The following ARID3A variants were observed in gnomAD, a reference collection of about 807,000 sequenced individuals.
The protein encoded by ARID3A is AT-rich interactive domain-containing protein 3A.
A neutral mutation model predicts 52.7 loss-of-function variants in ARID3A; 11 were observed. The ratio of observed to expected loss-of-function variants is 0.21; its 90% CI spans 0.13 to 0.35. ARID3A has a LOEUF of 0.35. ARID3A is among the 10% of genes least tolerant of loss of function. The probability of loss-of-function intolerance (pLI) is 1.00; values close to 1 mark genes in which losing one functional copy is unlikely to be tolerated. For missense variants in ARID3A, 721 were observed against 838.5 expected (o/e 0.86, Z 1.73); for synonymous variants, 404 against 359.4 (o/e 1.12, Z -1.40).
At chr19:928,330 C>G (rs560773706) in intron 1 of ARID3A, 10 of 151,796 alleles carry the variant, frequency 6.6e-5, no homozygotes, top group Admixed American at 6.6e-4. Context: ...GGGGGTGGCT[C>G]GGGTGGGACC....
At position 964,267 on chromosome 19, in the gene ARID3A, C is replaced by T; in HGVS notation, c.786C>T (p.Ile262=). 6.2e-7 allele frequency: 1 copy of T among 1,613,322 alleles called. No individual in the cohort carries two copies. The highest frequency in any genetic ancestry group is 2.2e-5 in the East Asian group (1 of 44,870). The part of the protein sequence containing the change: ...MQKRGTPVNR[I]PIMAKQVLDL... ...CCCCAGGGACACCTGTGAACCGCATCCCCATCATGGCCAAACAGGTCCTTG... is the reference window on the plus strand; with the variant it reads ...CCCCAGGGACACCTGTGAACCGCATTCCCATCATGGCCAAACAGGTCCTTG... The change falls in exon 5 of 9, where the codon ATC becomes ATT. Residue 262 remains isoleucine, a synonymous_variant. Coordinates refer to ENST00000263620, the MANE Select transcript of ARID3A (RefSeq NM_005224.3). This position sits in a 1 kb window ranked among gnomAD's most constrained non-coding sequence, Gnocchi z 5.7.
chr19:969,278 T>C (rs1386779152), intron 8 of ARID3A, among the ~76,000 whole-genome samples: 1 of 152,064 alleles, frequency 6.6e-6, no homozygotes, highest in Non-Finnish European at 1.5e-5. Flanking sequence ...GGCTCATGGC[T>C]ATAGTTCCAG....
At chr19:946,134 G>A (rs2037674470) in intron 3 of ARID3A, among the ~76,000 whole-genome samples, 1 of 152,176 alleles carries the variant, frequency 6.6e-6, no homozygotes, top group South Asian at 2.1e-4. Flanking sequence ...GGGGGGCGGG[G>A]ACCCTGTACA....
intron 7 of ARID3A, 75 bp downstream of exon 7, chr19:966,943 TAA>T: frequency 6.9e-7 from 1 of 1,457,170 alleles, no homozygotes; most frequent in Non-Finnish European, 9.1e-7. Context: ...CCTACATATG[TAA>T]AGAGTGCCAA....
At chr19:926,528 TTC>T (rs1393376011) in intron 1 of ARID3A, among the ~76,000 whole-genome samples, 1 of 151,812 alleles carries the variant, frequency 6.6e-6, no homozygotes, top group Non-Finnish European at 1.5e-5. Context: ...TTCATTTTTA[TTC>T]TTTCTCCCCG....
At chr19:955,306 A>G (rs914328397) in intron 3 of ARID3A, among the ~76,000 whole-genome samples, 2 of 152,180 alleles carry the variant, frequency 1.3e-5, no homozygotes, top group Admixed American at 1.3e-4. Flanking sequence ...CATAAAGCCC[A>G]GGCGGCCTTT....
chr19:970,793 A>G (rs2038263064), intron 8 of ARID3A, among the ~76,000 whole-genome samples: 1 of 151,976 alleles, frequency 6.6e-6, no homozygotes, highest in African/African-American at 2.4e-5. Context: ...AGTTTTTCTT[A>G]AAGTGGAGTC....
At chr19:933,697 C>G (rs1366234552) in intron 3 of ARID3A, among the ~76,000 whole-genome samples, 1 of 152,152 alleles carries the variant, frequency 6.6e-6, no homozygotes, top group Non-Finnish European at 1.5e-5. Flanking sequence ...GCTCCTGACT[C>G]CAGGGGTGCC....
In ARID3A at chr19:964,731, C is replaced by A; in HGVS notation, c.951-102C>A. The A allele has an allele frequency of 1.3e-6, 2 of 1,490,108 alleles. No individual in the cohort carries two copies. The highest frequency in any genetic ancestry group is 1.4e-5 in the South Asian group (1 of 73,988). 92.3% of individuals were successfully genotyped at this position (1,490,108 alleles called of 1,614,324 possible). ...CTGCTGAGCAAGTCCAAGGGAAGAA[C>A]CAGGGATGGTGGTGCCACAGTGGGG... On this transcript the variant is annotated intron_variant, in intron 5 of 8. Coordinates refer to ENST00000263620, the MANE Select transcript of ARID3A (RefSeq NM_005224.3). This position sits in a 1 kb window ranked among gnomAD's most constrained non-coding sequence, Gnocchi z 5.7.
Position 929,556 on chromosome 19 carries a change from C to T in ARID3A, c.28C>T (p.Leu10=). Residue 10 remains leucine (L), a synonymous_variant, in exon 2 of 9, where the codon CTG becomes TTG. Transcript: ENST00000263620. The surrounding 1 kb of genome is among the most constrained non-coding windows in gnomAD (Gnocchi z 6.2). The part of the protein sequence containing the change: MKLQAVMET[L]LQRQQRARQE... Reference sequence around the variant, plus strand: ...GAAACTACAGGCCGTGATGGAGACGCTGTTGCAGCGGCAGCAGCGGGCGCG... The same window carrying T: ...GAAACTACAGGCCGTGATGGAGACGTTGTTGCAGCGGCAGCAGCGGGCGCG... 1 of 1,522,582 alleles carries T rather than the reference C, an allele frequency of 6.6e-7. No individual in the cohort carries two copies. Among genetic ancestry groups the T allele is most frequent in the African/African-American group, 1.4e-5 (1 of 71,252 alleles). 94.3% of individuals were successfully genotyped at this position (1,522,582 alleles called of 1,614,324 possible). A position where few individuals can be genotyped will look rare whatever the true frequency, so the allele number is the denominator to read the frequency against.
chr19:932,891 C>T (rs2037363241), intron 3 of ARID3A, 149 bp downstream of exon 3: 6 of 1,460,092 alleles, frequency 4.1e-6, no homozygotes, highest in Non-Finnish European at 5.4e-6. Flanking sequence ...TCCTGTGCTT[C>T]CCTCCTGGGC....
rs1239269553 is a variant in ARID3A, at chr19:942,346, C to T, written c.693+9604C>T. ...GGCCCCCGCAGCTGCCCGGCGGTGG[C>T]ACCCAGGGGCGTCACCCACGAGGGA... On this transcript the variant is annotated intron_variant, in intron 3 of 8. Transcript: ENST00000263620. The surrounding 1 kb of genome is among the most constrained non-coding windows in gnomAD (Gnocchi z 8.1). 1.3e-5 allele frequency among the ~76,000 whole-genome samples: 2 copies of T among 152,192 alleles called. No individual in the cohort carries two copies. The highest frequency in any genetic ancestry group is 2.9e-5 in the Non-Finnish European group (2 of 68,010).
intron 1 of ARID3A, among the ~76,000 whole-genome samples, chr19:926,345 G>GGAGTTTC (rs1409748595): frequency 1.3e-5 from 2 of 151,886 alleles, no homozygotes; most frequent in Non-Finnish European, 2.9e-5. Flanking sequence ...GCCCTGGCGG[G>GGAGTTTC]CTGGGGTTCG....
rs755521842 is a variant in ARID3A, at chr19:929,510, T to TGGC, written c.-18_-16dup. 131 of 1,328,104 alleles carry TGGC rather than the reference T, an allele frequency of 9.9e-5. No homozygotes were observed. The highest frequency in any genetic ancestry group is 3.0e-4 in the Admixed American group (13 of 43,222). The allele number at this position is 1,328,104 out of a possible 1,614,324, so 82.3% of individuals were successfully genotyped here. ...GTGGTGGTGGTGGTGGTGGTGGTGGTGGCCCGGGCCGCAGGGCCATGAAAC... is the reference window on the plus strand; with the variant it reads ...GTGGTGGTGGTGGTGGTGGTGGTGGTGGCGGCCCGGGCCGCAGGGCCATGAAAC... On this transcript the variant is annotated 5_prime_UTR_variant, in exon 2 of 9. Coordinates refer to ENST00000263620, the MANE Select transcript of ARID3A (RefSeq NM_005224.3). The surrounding 1 kb of genome is among the most constrained non-coding windows in gnomAD (Gnocchi z 6.2).
rs1275899930 is a variant in ARID3A at position 964,801 on chromosome 19, G to C, written c.951-32G>C. Reference sequence around the variant, plus strand: ...CAAAGAGAGCCGTAGGGGTGACCCGGGTGCCATCCTCTTCCCTCGTCCCAC... The same window carrying C: ...CAAAGAGAGCCGTAGGGGTGACCCGCGTGCCATCCTCTTCCCTCGTCCCAC... On this transcript the variant is annotated intron_variant, in intron 5 of 8. Transcript: ENST00000263620. The surrounding 1 kb of genome is among the most constrained non-coding windows in gnomAD (Gnocchi z 5.7). 1 of 1,602,188 alleles carries C rather than the reference G, an allele frequency of 6.2e-7. No homozygotes were observed. Among genetic ancestry groups the C allele is most frequent in the South Asian group, 1.1e-5 (1 of 90,260 alleles).
rs969469143 is a variant in ARID3A at position 947,149 on chromosome 19, C to T, written c.694-12943C>T. The stretch of plus-strand genomic sequence containing the variant: ...CTGGGTGCCCCCCATTGCTGGGCAC[C>T]GTGGGGTGGGGTGTGTCTGTGTGTG... On this transcript the variant is annotated intron_variant, in intron 3 of 8. Coordinates refer to ENST00000263620, the MANE Select transcript of ARID3A (RefSeq NM_005224.3). The surrounding 1 kb of genome is among the most constrained non-coding windows in gnomAD (Gnocchi z 6.3). Among the ~76,000 whole-genome samples, 3 of 151,974 alleles carry T rather than the reference C, an allele frequency of 2.0e-5. No individual in the cohort carries two copies. The highest frequency in any genetic ancestry group is 7.3e-5 in the African/African-American group (3 of 41,334).
rs1315032650 is a variant in ARID3A, at chr19:941,515, G to A, written c.693+8773G>A. Among the ~76,000 whole-genome samples, 1 of 152,196 alleles carries A rather than the reference G, an allele frequency of 6.6e-6. No homozygotes were observed. The highest frequency in any genetic ancestry group is 2.4e-5 in the African/African-American group (1 of 41,444). Reference sequence around the variant, plus strand: ...CCGAGTGACGTGGCAAACTTCCCACGTCCCTGTTTTGCGTGGACCTGTTGG... The same window carrying A: ...CCGAGTGACGTGGCAAACTTCCCACATCCCTGTTTTGCGTGGACCTGTTGG... On this transcript the variant is annotated intron_variant, in intron 3 of 8. Coordinates refer to ENST00000263620, the MANE Select transcript of ARID3A (RefSeq NM_005224.3). This position sits in a 1 kb window ranked among gnomAD's most constrained non-coding sequence, Gnocchi z 6.9.
At chr19:961,923 A>G (rs920626006) in intron 4 of ARID3A, 4 of 152,260 alleles carry the variant, frequency 2.6e-5, no homozygotes, top group African/African-American at 7.2e-5. Context: ...CGTCTCAAAC[A>G]AACAAAAAGC....
intron 3 of ARID3A, among the ~76,000 whole-genome samples, chr19:933,669 CA>C (rs1192217874): frequency 9.9e-5 from 15 of 152,120 alleles, no homozygotes; most frequent in African/African-American, 3.6e-4. Context: ...CACAGACACC[CA>C]GGGGGGCCTC....
Sources: gnomAD v4.1 joint callset for allele counts (sites outside exome capture counted in the v4.1 genomes callset) on GRCh38, gnomAD v4.1.1 for gene constraint, Gnocchi (gnomAD v3.1) non-coding constraint, MANE v1.5 for transcripts, NCBI Gene and HGNC (gene_info 2026-07-23, HGNC 2026-07-21) for gene names.